Variants in AGAP3 observed in about 807,000 individuals in gnomAD.
The protein encoded by AGAP3 is arf-GAP with GTPase, ANK repeat and PH domain-containing protein 3.
Under a neutral mutation model 96.9 loss-of-function variants are expected in AGAP3, and 24 were observed. The observed-to-expected ratio is 0.25, with a 90% CI of 0.18 to 0.35. The LOEUF (loss-of-function observed/expected upper bound fraction) is 0.35, where lower values mean the gene tolerates loss of function less well. Among genes scored for constraint, AGAP3 ranks in the 10% least tolerant of loss-of-function variants. The pLI, the probability that AGAP3 is intolerant of heterozygous loss-of-function variation, is 1.00. For missense variants in AGAP3, 876 were observed against 1,254.2 expected, an observed-to-expected ratio of 0.70 and a Z score of 4.55; for synonymous variants, 563 against 536.1, an observed-to-expected ratio of 1.05 and a Z score of -0.69.
intron 1 of AGAP3, among the ~76,000 whole-genome samples, chr7:151,105,389 G>T (rs1215444492): frequency 6.6e-6 from 1 of 152,122 alleles, no homozygotes; most frequent in South Asian, 2.1e-4. Context: ...TCATTATTTT[G>T]ATATTTTCTT....
chr7:151,113,574 T>G lies in AGAP3; in HGVS notation c.332-3219T>G, dbSNP rs75210455. On this transcript the variant is annotated intron_variant, in intron 1 of 17. Coordinates refer to ENST00000397238, the MANE Select transcript of AGAP3 (RefSeq NM_031946.7). The stretch of plus-strand genomic sequence containing the variant: ...AGGGACGCTGGGAGTTGGGCTGGAC[T>G]GGGGGTGGAGGAAAGTGGGCAGTAT... Among the ~76,000 whole-genome samples, 1,119 of 152,298 alleles carry G rather than the reference T, an allele frequency of 7.3e-3. 15 individuals are homozygous for G. The highest frequency in any genetic ancestry group is 0.026 in the African/African-American group (1,062 of 41,560).
Position 151,143,226 on chromosome 7 carries a change from ACT to A in AGAP3, c.2274-114_2274-113del. 1 of 1,303,456 alleles carries A rather than the reference ACT, an allele frequency of 7.7e-7. No homozygotes were observed. Among genetic ancestry groups the A allele is most frequent in the Non-Finnish European group, 1.0e-6 (1 of 955,680 alleles). The allele number at this position is 1,303,456 out of a possible 1,614,324, so 80.7% of individuals were successfully genotyped here. On this transcript the variant is annotated intron_variant, in intron 16 of 17. Transcript: ENST00000397238. This position sits in a 1 kb window ranked among gnomAD's most constrained non-coding sequence, Gnocchi z 5.9. Reference sequence around the variant, plus strand: ...TTTTTGCTCCATCTCATCTTCTCTCACTGTTTCTTCCTTGTTCCCCCGGGTGC... The same window carrying A: ...TTTTTGCTCCATCTCATCTTCTCTCAGTTTCTTCCTTGTTCCCCCGGGTGC...
intron 8 of AGAP3, chr7:151,123,172 C>A: frequency 9.4e-7 from 1 of 1,067,294 alleles, no homozygotes; most frequent in South Asian, 3.1e-5. Context: ...GGACCTCTGC[C>A]GTTCCTGCTC....
intron 10 of AGAP3, among the ~76,000 whole-genome samples, chr7:151,134,013 C>T (rs4725998): frequency 6.6e-6 from 1 of 152,132 alleles, no homozygotes; most frequent in Non-Finnish European, 1.5e-5. Flanking sequence ...GCCACCCTGT[C>T]ATCCATGTCC....
At chr7:151,125,106 G>A (rs1563497227) in intron 9 of AGAP3, among the ~76,000 whole-genome samples, 1 of 152,134 alleles carries the variant, frequency 6.6e-6, no homozygotes, top group Non-Finnish European at 1.5e-5. Flanking sequence ...CCCTCTCTCC[G>A]GGCACCTCCT....
rs201842814 is a variant in AGAP3, at chr7:151,138,238, C to T, written c.1591C>T (p.Arg531Cys). ...CCCGCGCCCTGAGGGGCTGCACCAG[C>T]GCTCCTGCTCCGTTTCCAGCGCCGA... ...AGPRPEGLHQ[R>C]SCSVSSADQW... Residue 531 changes from arginine (R) to cysteine (C), a missense_variant, in exon 12 of 18, where the codon CGC (arginine) becomes TGC (cysteine). Physicochemically the swap from Arg to Cys is radical, Grantham distance 180 (BLOSUM62 -3). Transcript: ENST00000397238. The T allele has an allele frequency of 8.2e-5, 132 of 1,612,530 alleles. No individual in the cohort carries two copies. The Middle Eastern group carries it at 8.2e-4, about 10-fold the overall frequency.
At chr7:151,092,435 G>A (rs577925048) in intron 1 of AGAP3, among the ~76,000 whole-genome samples, 1 of 152,306 alleles carries the variant, frequency 6.6e-6, no homozygotes, top group South Asian at 2.1e-4. Flanking sequence ...CTGACCCCTA[G>A]CTGACTTAAA....
rs755260108 is a variant in AGAP3 at position 151,122,580 on chromosome 7, C to T, written c.1129-1214C>T. ...TCCTCCTTGTCCTTCTCCTCTTCCT[C>T]GTCCTTCTCCTCCTCCTCCTCCTCC... On this transcript the variant is annotated intron_variant, in intron 8 of 17. Coordinates refer to ENST00000397238, the MANE Select transcript of AGAP3 (RefSeq NM_031946.7). 689 of 898,890 alleles carry T rather than the reference C, an allele frequency of 7.7e-4. 2 individuals carry two copies. The highest frequency in any genetic ancestry group is 1.0e-3 in the Non-Finnish European group (604 of 592,236). The allele number at this position is 898,890 out of a possible 1,614,324, so 55.7% of individuals were successfully genotyped here.
intron 1 of AGAP3, chr7:151,116,544 G>A (rs1237414441): frequency 9.1e-6 from 5 of 551,010 alleles, no homozygotes; most frequent in African/African-American, 3.8e-5. Flanking sequence ...ACACAGGGCC[G>A]AAACCAGGGG....
At chr7:151,093,491 A>G (rs1798478367) in intron 1 of AGAP3, among the ~76,000 whole-genome samples, 2 of 152,218 alleles carry the variant, frequency 1.3e-5, no homozygotes, top group Non-Finnish European at 2.9e-5. Flanking sequence ...AAGGGATGAA[A>G]GTAAATACAT....
intron 1 of AGAP3, among the ~76,000 whole-genome samples, chr7:151,112,438 C>A (rs1035244417): frequency 8.0e-6 from 1 of 125,508 alleles, no homozygotes; most frequent in African/African-American, 2.9e-5. Flanking sequence ...TGTGTGTGTC[C>A]AGCATGTGTG....
In AGAP3 at chr7:151,114,909, C is replaced by G. The variant is rs1364935467; in HGVS notation, c.332-1884C>G. ...CGCTGCCGCCGCCCTGCAGGCCGCC[C>G]TCTGCGCCGCCAGTGAGCAGCCGGC... On this transcript the variant is annotated intron_variant, in intron 1 of 17. Transcript: ENST00000397238. This position sits in a 1 kb window ranked among gnomAD's most constrained non-coding sequence, Gnocchi z 4.4. 15 of 992,630 alleles carry G rather than the reference C, an allele frequency of 1.5e-5. No individual in the cohort carries two copies. Among genetic ancestry groups the G allele is most frequent in the Non-Finnish European group, 1.8e-5 (15 of 837,318 alleles). The allele number at this position is 992,630 out of a possible 1,614,324, so 61.5% of individuals were successfully genotyped here. A position where few individuals can be genotyped will look rare whatever the true frequency, so the allele number is the denominator to read the frequency against.
In AGAP3 at chr7:151,117,157, C is replaced by T. The variant is rs988779727; in HGVS notation, c.453C>T (p.Thr151=). The change falls in exon 3 of 18, where the codon ACC becomes ACT. Residue 151 remains threonine (T), a synonymous_variant. Transcript: ENST00000397238. The stretch of plus-strand genomic sequence containing the variant: ...TGGTGCACCGCTATCTGACGGGGAC[C>T]TATGTCCAGGAGGAGTCCCCTGAAG... ...SALVHRYLTG[T]YVQEESPEGG... is the part of the protein sequence containing the mutation. 6.2e-7 allele frequency: 1 copy of T among 1,613,950 alleles called. No individual in the cohort carries two copies. Among genetic ancestry groups the T allele is most frequent in the Non-Finnish European group, 8.5e-7 (1 of 1,179,938 alleles).
At chr7:151,097,949 A>G (rs1424699157) in intron 1 of AGAP3, among the ~76,000 whole-genome samples, 1 of 152,150 alleles carries the variant, frequency 6.6e-6, no homozygotes, top group East Asian at 1.9e-4. Context: ...TTCACACTCC[A>G]CTTGGTATTG....
chr7:151,123,517 C>T (rs1484263916), intron 8 of AGAP3: 12 of 1,262,294 alleles, frequency 9.5e-6, no homozygotes, highest in Middle Eastern at 3.1e-4. Context: ...GCCCCCGCCC[C>T]GGGCGTGCTC....
chr7:151,123,670 C>T, intron 8 of AGAP3, 124 bp from the exon 9 acceptor site: 2 of 1,545,234 alleles, frequency 1.3e-6, no homozygotes, highest in Non-Finnish European at 8.7e-7. Context: ...TCCCGCCGCC[C>T]CGGCCCGACC....
At chr7:151,123,966 G>T (rs1161337731) in intron 9 of AGAP3, 80 bp downstream of exon 9, 4 of 1,423,638 alleles carry the variant, frequency 2.8e-6, no homozygotes, top group Non-Finnish European at 3.9e-6. Flanking sequence ...CTCTTCTCAG[G>T]CCTCTGTGAT....
At chr7:151,126,356 GGAGCA>G (rs3062436) in intron 9 of AGAP3, among the ~76,000 whole-genome samples, 116,268 of 150,858 alleles carry the variant, frequency 0.77, 45,336 homozygotes, top group East Asian at 0.98. Context: ...GGAGCAGAGC[GGAGCA>G]GAGCAGAGCG....
chr7:151,096,940 A>T lies in AGAP3; in HGVS notation c.331+9868A>T, dbSNP rs1186914543. ...CTTGGGATTACAGGCACATGCCACC[A>T]TGTCTGGCTAATTTTTGTATTTTTT... On this transcript the variant is annotated intron_variant, in intron 1 of 17. Coordinates refer to ENST00000397238, the MANE Select transcript of AGAP3 (RefSeq NM_031946.7). This position sits in a 1 kb window ranked among gnomAD's most constrained non-coding sequence, Gnocchi z 4.4. 6.6e-6 allele frequency among the ~76,000 whole-genome samples: 1 copy of T among 151,622 alleles called. No homozygotes were observed. The highest frequency in any genetic ancestry group is 2.4e-5 in the African/African-American group (1 of 41,262).
Sources: gnomAD v4.1 joint callset for allele counts (sites outside exome capture counted in the v4.1 genomes callset) on GRCh38, gnomAD v4.1.1 for gene constraint, Gnocchi (gnomAD v3.1) non-coding constraint, MANE v1.5 for transcripts, NCBI Gene and HGNC (gene_info 2026-07-23, HGNC 2026-07-21) for gene names.